NDRG3: variants seen among roughly 807,000 people sequenced by gnomAD.
The protein encoded by NDRG3 is NDRG family member 3, also known as protein NDRG3.
NDRG3 carries 23 observed loss-of-function variants against 57.2 expected under a neutral mutation model. The observed-to-expected ratio is 0.40, with a 90% CI of 0.29 to 0.57. The LOEUF is 0.57. NDRG3 is among the 20% of genes least tolerant of loss of function. The pLI, the probability that NDRG3 is intolerant of heterozygous loss-of-function variation, is 0.42. For synonymous variants in NDRG3, 132 were observed against 162.6 expected (o/e 0.81, Z 1.43); for missense variants, 384 against 457.3 (o/e 0.84, Z 1.46).
At chr20:36,711,287 A>C (rs1983864687) in intron 2 of NDRG3, among the ~76,000 whole-genome samples, 1 of 150,608 alleles carries the variant, frequency 6.6e-6, no homozygotes, top group African/African-American at 2.5e-5. Flanking sequence ...TCAAAAAAAA[A>C]ATAATAATAA....
intron 9 of NDRG3, among the ~76,000 whole-genome samples, chr20:36,667,420 C>G (rs1016890942): frequency 6.6e-6 from 1 of 152,118 alleles, no homozygotes; most frequent in Non-Finnish European, 1.5e-5. Context: ...AGACAACAGG[C>G]ACACTCAACT....
chr20:36,701,588 C>A (rs1983228599), intron 3 of NDRG3, among the ~76,000 whole-genome samples: 1 of 141,908 alleles, frequency 7.0e-6, no homozygotes, highest in African/African-American at 2.6e-5. Flanking sequence ...GCTCTTTTTG[C>A]CCAGGCTGGA....
chr20:36,714,606 GTTTT>G (rs1158592590), intron 2 of NDRG3, among the ~76,000 whole-genome samples: 1 of 144,432 alleles, frequency 6.9e-6, no homozygotes, highest in East Asian at 2.1e-4. Flanking sequence ...GGCTAATTTT[GTTTT>G]TTTTTGTTTG....
At chr20:36,680,484 C>CAA (rs71186011) in intron 8 of NDRG3, among the ~76,000 whole-genome samples, 1 of 127,396 alleles carries the variant, frequency 7.8e-6, no homozygotes, top group African/African-American at 3.0e-5. Context: ...GACTCCATCT[C>CAA]AAAAAAAAAA....
intron 3 of NDRG3, among the ~76,000 whole-genome samples, chr20:36,697,638 G>A (rs1982906424): frequency 6.6e-6 from 1 of 152,036 alleles, no homozygotes; most frequent in Admixed American, 6.6e-5. Context: ...CACCCGGGAG[G>A]CGGAGGTTGC....
In NDRG3 at chr20:36,652,499, A is replaced by G. The variant is rs988586515; in HGVS notation, c.*1021T>C. The G allele has an allele frequency of 1.3e-5, 2 of 152,034 alleles. No homozygotes were observed. Among genetic ancestry groups the G allele is most frequent in the Non-Finnish European group, 2.9e-5 (2 of 68,044 alleles). 9.4% of individuals were successfully genotyped at this position (152,034 alleles called of 1,614,324 possible). ...TACTGAAATCAAGGCTATACTTGTT[A>G]AACATGATACTGTGTTAATGGCTGT... On this transcript the variant is annotated 3_prime_UTR_variant, in exon 16 of 16. Transcript: ENST00000349004.
intron 1 of NDRG3, among the ~76,000 whole-genome samples, chr20:36,744,277 T>C (rs887748914): frequency 2.0e-5 from 3 of 151,606 alleles, no homozygotes; most frequent in African/African-American, 7.3e-5. Context: ...GGCCTTTGAG[T>C]GGTAAATGGT....
In NDRG3 at chr20:36,695,921, A is replaced by AT. The variant is rs562135328; in HGVS notation, c.94-7138_94-7137insA. Among the ~76,000 whole-genome samples the AT allele has an allele frequency of 2.8e-3, 432 of 152,282 alleles. 2 individuals carry two copies. The highest frequency in any genetic ancestry group is 6.8e-3 in the Middle Eastern group (2 of 294). On this transcript the variant is annotated intron_variant, in intron 3 of 15. Coordinates refer to ENST00000349004, the MANE Select transcript of NDRG3 (RefSeq NM_032013.4). ...TAAAAACTTGCTGGTTTTACGGCTC[A>AT]GGGGGCATCATGGAACCTGCCGACA...
In NDRG3 at chr20:36,652,505, G is replaced by T. The variant is rs1227491916; in HGVS notation, c.*1015C>A. 1 of 151,890 alleles carries T rather than the reference G, an allele frequency of 6.6e-6. No homozygotes were observed. The highest frequency in any genetic ancestry group is 1.5e-5 in the Non-Finnish European group (1 of 68,010). The allele number at this position is 151,890 out of a possible 1,614,324, so 9.4% of individuals were successfully genotyped here. On this transcript the variant is annotated 3_prime_UTR_variant, in exon 16 of 16. Coordinates refer to ENST00000349004, the MANE Select transcript of NDRG3 (RefSeq NM_032013.4). ...AATCAAGGCTATACTTGTTAAACAT[G>T]ATACTGTGTTAATGGCTGTTCCTCT...
chr20:36,661,967 A>G (rs1436372054), intron 12 of NDRG3, among the ~76,000 whole-genome samples: 1 of 152,340 alleles, frequency 6.6e-6, no homozygotes, highest in East Asian at 1.9e-4. Flanking sequence ...CAATGCAGGC[A>G]GTGACAAACA....
chr20:36,725,276 G>T (rs1424852201), intron 1 of NDRG3, among the ~76,000 whole-genome samples: 1 of 151,206 alleles, frequency 6.6e-6, no homozygotes, highest in South Asian at 2.1e-4. Flanking sequence ...CAGCCTGGGC[G>T]ACAGAGTGAG....
chr20:36,703,920 C>G (rs1395059132), intron 3 of NDRG3, among the ~76,000 whole-genome samples: 2 of 152,012 alleles, frequency 1.3e-5, no homozygotes, highest in African/African-American at 4.8e-5. Context: ...TTCATATCTA[C>G]AATTATATAT....
chr20:36,680,215 G>A (rs1329264873), intron 8 of NDRG3, among the ~76,000 whole-genome samples: 11 of 151,764 alleles, frequency 7.2e-5, no homozygotes, highest in Non-Finnish European at 1.3e-4. Flanking sequence ...GGCTGGGTGC[G>A]GTGGCTCACG....
chr20:36,697,336 C>T (rs1982871735), intron 3 of NDRG3, among the ~76,000 whole-genome samples: 1 of 152,156 alleles, frequency 6.6e-6, no homozygotes, highest in African/African-American at 2.4e-5. Context: ...TTCTGGTGCT[C>T]ATTTCTCTTC....
chr20:36,656,748 C>T (rs1034319905), intron 13 of NDRG3, among the ~76,000 whole-genome samples: 4 of 152,158 alleles, frequency 2.6e-5, no homozygotes, highest in Non-Finnish European at 5.9e-5. Context: ...GACTGAAGCC[C>T]TGACTTTCAG....
At chr20:36,713,074 C>T (rs1984021122) in intron 2 of NDRG3, among the ~76,000 whole-genome samples, 1 of 152,154 alleles carries the variant, frequency 6.6e-6, no homozygotes, top group African/African-American at 2.4e-5. Flanking sequence ...CTAGAAATTT[C>T]AGGCTATGGG....
intron 1 of NDRG3, among the ~76,000 whole-genome samples, chr20:36,738,498 T>A (rs1258853175): frequency 6.6e-6 from 1 of 150,580 alleles, no homozygotes; most frequent in Admixed American, 6.6e-5. Context: ...GCAAAACTCC[T>A]TTGCAAAAAA....
intron 8 of NDRG3, among the ~76,000 whole-genome samples, chr20:36,677,444 G>A (rs1265088351): frequency 6.6e-6 from 1 of 152,186 alleles, no homozygotes; most frequent in Non-Finnish European, 1.5e-5. Flanking sequence ...CAATCAGCAT[G>A]CACTTCCTCC....
intron 8 of NDRG3, among the ~76,000 whole-genome samples, 164 bp from the exon 9 acceptor site, chr20:36,671,561 G>C (rs1354087932): frequency 1.3e-5 from 2 of 152,194 alleles, no homozygotes; most frequent in Admixed American, 1.3e-4. Context: ...CCAGGACTTT[G>C]GGAGGCTGAG....
Sources: allele counts gnomAD v4.1 joint callset (sites outside exome capture counted in the v4.1 genomes callset), GRCh38; gene constraint gnomAD v4.1.1; transcripts MANE v1.5; gene names NCBI Gene and HGNC (gene_info 2026-07-23, HGNC 2026-07-21).